The following CAV1 variants were observed in gnomAD, a reference collection of about 807,000 sequenced individuals.
The protein encoded by CAV1 is caveolin 1.
CAV1 carries 10 observed loss-of-function variants against 16.5 expected under a neutral mutation model. The observed-to-expected ratio is 0.61, with a 90% CI of 0.37 to 1.03. The LOEUF is 1.03. CAV1 is among the 50% of genes least tolerant of loss of function. The pLI, the probability that CAV1 is intolerant of heterozygous loss-of-function variation, is 0.01. For synonymous variants in CAV1, 76 were observed against 85.1 expected (o/e 0.89, Z 0.59); for missense variants, 212 against 232.8 (o/e 0.91, Z 0.58).
Position 116,558,949 on chromosome 7 carries a change from G to T in CAV1, c.199G>T (p.Asp67Tyr). ...TTGTGTCACTTCTTCCTTTTAGATT[G>T]ACTTTGAAGATGTGATTGCAGAACC... ...KHLNDDVVKIDFEDVIAEPEG... is the reference protein window; with the variant it reads ...KHLNDDVVKIYFEDVIAEPEG... The change falls in exon 3 of 3, where the codon GAC (aspartate) becomes TAC (tyrosine). Residue 67 changes from aspartate (D) to tyrosine (Y), a missense_variant. Coordinates refer to ENST00000341049, the MANE Select transcript of CAV1 (RefSeq NM_001753.5). 6.2e-7 allele frequency: 1 copy of T among 1,611,368 alleles called. No individual in the cohort carries two copies. The highest frequency in any genetic ancestry group is 1.1e-5 in the South Asian group (1 of 90,922).
At chr7:116,531,064 C>G (rs1584769478) in intron 2 of CAV1, among the ~76,000 whole-genome samples, 1 of 152,184 alleles carries the variant, frequency 6.6e-6, no homozygotes, top group Non-Finnish European at 1.5e-5. Flanking sequence ...AAGGGATCAT[C>G]ATGGTTACCA....
At chr7:116,540,799 C>T (rs1584776203) in intron 2 of CAV1, among the ~76,000 whole-genome samples, 1 of 152,230 alleles carries the variant, frequency 6.6e-6, no homozygotes, top group East Asian at 1.9e-4. Context: ...AAGTAGGCAA[C>T]ACATAGGTAA....
chr7:116,555,596 GA>G (rs1562838673), intron 2 of CAV1, among the ~76,000 whole-genome samples: 3 of 81,904 alleles, frequency 3.7e-5, no homozygotes, highest in African/African-American at 5.0e-5. Context: ...AAGAAAGAAA[GA>G]AAGAAAGAGA....
At chr7:116,540,884 C>T (rs1412521254) in intron 2 of CAV1, among the ~76,000 whole-genome samples, 4 of 152,078 alleles carry the variant, frequency 2.6e-5, no homozygotes, top group African/African-American at 9.7e-5. Flanking sequence ...AACCAAGATG[C>T]CTGGTGAGTA....
Position 116,559,603 on chromosome 7 carries a change from G to C in CAV1, c.*316G>C. On this transcript the variant is annotated 3_prime_UTR_variant, in exon 3 of 3. Coordinates refer to ENST00000341049, the MANE Select transcript of CAV1 (RefSeq NM_001753.5). Reference sequence around the variant, plus strand: ...AAAGGTAATTTGAGAGAAATATGAAGAACTGAGGAGGAAAAAAAAAAAAAA... The same window carrying C: ...AAAGGTAATTTGAGAGAAATATGAACAACTGAGGAGGAAAAAAAAAAAAAA... 1 of 432,850 alleles carries C rather than the reference G, an allele frequency of 2.3e-6. No homozygotes were observed. The allele number at this position is 432,850 out of a possible 1,614,324, so 26.8% of individuals were successfully genotyped here.
chr7:116,557,721 C>CT (rs927815271), intron 2 of CAV1, among the ~76,000 whole-genome samples: 3 of 151,844 alleles, frequency 2.0e-5, no homozygotes, highest in Non-Finnish European at 2.9e-5. Context: ...CTTTTCTTTT[C>CT]TTTTTTTTAT....
intron 2 of CAV1, among the ~76,000 whole-genome samples, chr7:116,543,231 A>G (rs1000377249): frequency 6.6e-5 from 10 of 152,242 alleles, no homozygotes; most frequent in Non-Finnish European, 1.2e-4. Context: ...CAGTATTCAT[A>G]CAAGAGTTGA....
chr7:116,525,104 T>TG lies in CAV1; in HGVS notation c.30+19dup, dbSNP rs749316760. 3.4e-3 allele frequency: 5,551 copies of TG among 1,613,476 alleles called. 135 individuals are homozygous for TG. The African/African-American group carries it at 0.063, about 18-fold the overall frequency. ...ACGTAGACTCGGAGGTAGGCATCCG[T>TG]GGGGGGGCGCCGGCTCGGGCGTGCG... On this transcript the variant is annotated intron_variant, in intron 1 of 2. Coordinates refer to ENST00000341049, the MANE Select transcript of CAV1 (RefSeq NM_001753.5).
chr7:116,549,092 G>A (rs1007883077), intron 2 of CAV1, among the ~76,000 whole-genome samples: 1 of 152,086 alleles, frequency 6.6e-6, no homozygotes, highest in Admixed American at 6.5e-5. Context: ...CATATACACA[G>A]ACACGCACAT....
rs926621474 is a variant in CAV1 at position 116,526,754 on chromosome 7, C to A, written c.195+65C>A. 1.9e-6 allele frequency: 3 copies of A among 1,584,234 alleles called. No homozygotes were observed. In the South Asian group the frequency reaches 3.3e-5, roughly 18 times the overall value. ...CTCCTCTGGCAGTTAGCCCGTGCAT[C>A]CTTCTTTAGCATTGCCGTGTACGCA... On this transcript the variant is annotated intron_variant, in intron 2 of 2. Coordinates refer to ENST00000341049, the MANE Select transcript of CAV1 (RefSeq NM_001753.5).
chr7:116,526,834 G>A, intron 2 of CAV1, 145 bp downstream of exon 2: 10 of 958,146 alleles, frequency 1.0e-5, no homozygotes, highest in Non-Finnish European at 1.4e-5. Context: ...AGTTTTGTGG[G>A]TTTGATGTGT....
chr7:116,525,394 G>T (rs1793536019), intron 1 of CAV1: 2 of 1,494,968 alleles, frequency 1.3e-6, no homozygotes, highest in Non-Finnish European at 1.8e-6. Flanking sequence ...TTCTGGATGG[G>T]TCTAGGATGC....
chr7:116,548,163 C>T (rs892131132), intron 2 of CAV1, among the ~76,000 whole-genome samples: 4 of 152,236 alleles, frequency 2.6e-5, no homozygotes, highest in African/African-American at 9.6e-5. Context: ...TGCCTGGACC[C>T]TGCCCTTGGA....
At chr7:116,555,487 A>AG (rs1794247882) in intron 2 of CAV1, among the ~76,000 whole-genome samples, 2 of 3,654 alleles carry the variant, frequency 5.5e-4, no homozygotes, top group African/African-American at 8.8e-4. Context: ...AGGAAAGAAA[A>AG]GAAAGAAAGA....
intron 2 of CAV1, among the ~76,000 whole-genome samples, chr7:116,542,162 G>A (rs932881957): frequency 8.5e-5 from 13 of 152,204 alleles, no homozygotes; most frequent in African/African-American, 2.9e-4. Context: ...TGTATGGCAA[G>A]CCTGCCCATC....
chr7:116,541,195 A>C (rs750963073), intron 2 of CAV1, among the ~76,000 whole-genome samples: 8 of 152,174 alleles, frequency 5.3e-5, no homozygotes, highest in Non-Finnish European at 8.8e-5. Flanking sequence ...CTTAAGAGGG[A>C]GGTAGAGATT....
At chr7:116,548,582 C>A (rs1794098743) in intron 2 of CAV1, among the ~76,000 whole-genome samples, 1 of 152,176 alleles carries the variant, frequency 6.6e-6, no homozygotes, top group Non-Finnish European at 1.5e-5. Flanking sequence ...CAATAAAGAG[C>A]AACCAGAGTC....
intron 2 of CAV1, among the ~76,000 whole-genome samples, chr7:116,537,079 C>A (rs1232874431): frequency 4.0e-5 from 6 of 149,870 alleles, no homozygotes; most frequent in African/African-American, 1.5e-4. Context: ...TATTTCATGG[C>A]AGGGGAACTA....
At position 116,555,554 on chromosome 7, in the gene CAV1, A is replaced by G. The variant is rs1451781570; in HGVS notation, c.196-3392A>G. Reference sequence around the variant, plus strand: ...AGAGAGAGAGAGAGAGAAAGAAAGAAAGAAAGAAAGAAAGAAAGAAAGAAA... The same window carrying G: ...AGAGAGAGAGAGAGAGAAAGAAAGAGAGAAAGAAAGAAAGAAAGAAAGAAA... On this transcript the variant is annotated intron_variant, in intron 2 of 2. Transcript: ENST00000341049. Among the ~76,000 whole-genome samples the G allele has an allele frequency of 6.5e-3, 384 of 59,222 alleles. 15 individuals are homozygous for G. Among genetic ancestry groups the G allele is most frequent in the African/African-American group, 0.012 (156 of 12,944 alleles). 38.9% of individuals were successfully genotyped at this position (59,222 alleles called of 152,430 possible).
Sources: allele counts gnomAD v4.1 joint callset (sites outside exome capture counted in the v4.1 genomes callset), GRCh38; gene constraint gnomAD v4.1.1; transcripts MANE v1.5; gene names NCBI Gene and HGNC (gene_info 2026-07-23, HGNC 2026-07-21).